Variants in RNF149 observed in about 807,000 individuals in gnomAD.
RNF149 encodes E3 ubiquitin-protein ligase RNF149.
RNF149 carries 21 observed loss-of-function variants against 39.0 expected under a neutral mutation model. The observed-to-expected ratio is 0.54, with a 90% CI of 0.38 to 0.77. The LOEUF (loss-of-function observed/expected upper bound fraction) is 0.77. Among genes scored for constraint, RNF149 ranks in the 30% least tolerant of loss-of-function variants. The pLI is 0.00. For synonymous variants in RNF149, 209 were observed against 213.6 expected, an observed-to-expected ratio of 0.98 and a Z score of 0.19; for missense variants, 493 against 534.9, an observed-to-expected ratio of 0.92 and a Z score of 0.77.
At chr2:101,272,710 T>G (rs1487512889), downstream of RNF149, 1 of 345,726 alleles carries the variant, frequency 2.9e-6, no homozygotes, top group Admixed American at 3.8e-5. Context: ...TATACTGACT[T>G]ATAATTTCAG....
chr2:101,287,606 T>G (rs901758529), intron 4 of RNF149, among the ~76,000 whole-genome samples: 5 of 152,132 alleles, frequency 3.3e-5, no homozygotes, highest in Admixed American at 2.6e-4. Context: ...CAGTCTGGAG[T>G]AAAAACTCTT....
chr2:101,307,847 G>A (rs1683734493), intron 1 of RNF149: 3 of 985,428 alleles, frequency 3.0e-6, no homozygotes, highest in South Asian at 4.7e-5. Context: ...TCACCTGTTA[G>A]AACCACAAGC....
intron 1 of RNF149, among the ~76,000 whole-genome samples, chr2:101,298,466 T>C (rs1463032295): frequency 1.3e-5 from 2 of 152,022 alleles, no homozygotes; most frequent in Admixed American, 1.3e-4. Context: ...AAAAGATTTA[T>C]TGCCAATGTT....
rs1424695858 is a variant in RNF149 at position 101,275,876 on chromosome 2, C to T, written c.*1362G>A. The T allele has an allele frequency of 1.0e-6, 1 of 985,092 alleles. No individual in the cohort carries two copies. The highest frequency in any genetic ancestry group is 1.2e-6 in the Non-Finnish European group (1 of 829,774). 61.0% of individuals were successfully genotyped at this position (985,092 alleles called of 1,614,324 possible). ...GTTATGGAAACCTACTTGAGGTTGT[C>T]TGCTAAAACCAACTCAGTGTGCAAA... On this transcript the variant is annotated 3_prime_UTR_variant, in exon 7 of 7. Coordinates refer to ENST00000295317, the MANE Select transcript of RNF149 (RefSeq NM_173647.4).
intron 1 of RNF149, among the ~76,000 whole-genome samples, chr2:101,298,733 AAGGTTACCCCAG>A: frequency 6.6e-6 from 1 of 152,322 alleles, no homozygotes; most frequent in South Asian, 2.1e-4. Context: ...TACCCTCTGG[AAGGTTACCCCAG>A]AGACTGGAGA....
downstream of RNF149, chr2:101,273,280 C>T: frequency 2.0e-6 from 1 of 500,028 alleles, no homozygotes; most frequent in South Asian, 1.5e-5. Flanking sequence ...GCCTCCTTCT[C>T]CATGCCACCC....
At chr2:101,299,239 A>G (rs1683360114) in intron 1 of RNF149, among the ~76,000 whole-genome samples, 1 of 152,218 alleles carries the variant, frequency 6.6e-6, no homozygotes, top group South Asian at 2.1e-4. Flanking sequence ...ACACTATTTT[A>G]TTGTGGAGAG....
chr2:101,307,942 C>T (rs1168533784), intron 1 of RNF149, 187 bp downstream of exon 1: 1 of 985,368 alleles, frequency 1.0e-6, no homozygotes, highest in Non-Finnish European at 1.2e-6. Flanking sequence ...GCAGACTTAC[C>T]TCCCTCCCAA....
chr2:101,282,912 C>T (rs1682646099), intron 5 of RNF149, among the ~76,000 whole-genome samples: 1 of 152,076 alleles, frequency 6.6e-6, no homozygotes, highest in African/African-American at 2.4e-5. Context: ...TAACGTAACG[C>T]CCTCCCATCC....
chr2:101,297,112 GAT>G (rs759816996), intron 1 of RNF149, among the ~76,000 whole-genome samples: 2 of 152,156 alleles, frequency 1.3e-5, no homozygotes, highest in Non-Finnish European at 2.9e-5. Flanking sequence ...AGGAGACAGA[GAT>G]AGGAGAATTG....
chr2:101,297,388 G>A (rs767104211), intron 1 of RNF149, among the ~76,000 whole-genome samples: 2 of 151,876 alleles, frequency 1.3e-5, no homozygotes, highest in Non-Finnish European at 2.9e-5. Flanking sequence ...ATGGGGTCTC[G>A]CTCTGTCACC....
At chr2:101,275,274 C>T (rs189471783), downstream of RNF149, among the ~76,000 whole-genome samples, 2 of 150,872 alleles carry the variant, frequency 1.3e-5, no homozygotes, top group Non-Finnish European at 3.0e-5. Flanking sequence ...CATGCCACCA[C>T]GTCCGGCTAA....
In RNF149 at chr2:101,279,072, G is replaced by A. The variant is rs115548178; in HGVS notation, c.1160-1791C>T. Among the ~76,000 whole-genome samples the A allele has an allele frequency of 7.9e-3, 1,197 of 152,182 alleles. 7 individuals carry two copies. Among genetic ancestry groups the A allele is most frequent in the Admixed American group, 0.013 (199 of 15,274 alleles). ...AATTTAGTGTTTTTCAATTTATGTC[G>A]TTACCGTTATAAGGCTGAAAGAACA... On this transcript the variant is annotated intron_variant, in intron 6 of 6. Coordinates refer to ENST00000295317, the MANE Select transcript of RNF149 (RefSeq NM_173647.4).
chr2:101,273,008 G>A, downstream of RNF149: 3 of 1,352,564 alleles, frequency 2.2e-6, no homozygotes, highest in Non-Finnish European at 2.0e-6. Flanking sequence ...ACTGCTGATG[G>A]AGACACTGCA....
intron 3 of RNF149, 69 bp downstream of exon 3, chr2:101,293,942 TTTA>T: frequency 5.7e-6 from 5 of 876,458 alleles, no homozygotes; most frequent in Non-Finnish European, 9.0e-6. Context: ...CCAATCCTTC[TTTA>T]AAATAAACAC....
intron 4 of RNF149, among the ~76,000 whole-genome samples, chr2:101,288,230 CTTTTTT>C (rs554652378): frequency 6.6e-5 from 4 of 60,576 alleles, no homozygotes; most frequent in East Asian, 5.6e-4. Context: ...GAAAGAAAAA[CTTTTTT>C]TTTTTTTTTT....
At chr2:101,297,748 T>C (rs1422349374) in intron 1 of RNF149, among the ~76,000 whole-genome samples, 3 of 152,250 alleles carry the variant, frequency 2.0e-5, no homozygotes, top group Non-Finnish European at 4.4e-5. Context: ...CAGTGGCTTT[T>C]AGTGGATTCA....
chr2:101,279,920 T>C (rs1186378752), intron 6 of RNF149, among the ~76,000 whole-genome samples: 2 of 152,230 alleles, frequency 1.3e-5, no homozygotes, highest in Non-Finnish European at 1.5e-5. Flanking sequence ...AAATAACCTT[T>C]AAGTGAATCC....
rs116616740 is a variant in RNF149 at position 101,306,128 on chromosome 2, T to G, written c.460+2001A>C. Reference sequence around the variant, plus strand: ...TGTCAATAACATAAGCAGGCAAGGTTGCTGACCCATGGTTACAACAAGTGC... The same window carrying G: ...TGTCAATAACATAAGCAGGCAAGGTGGCTGACCCATGGTTACAACAAGTGC... On this transcript the variant is annotated intron_variant, in intron 1 of 6. Transcript: ENST00000295317. 5.3e-3 allele frequency among the ~76,000 whole-genome samples: 800 copies of G among 152,324 alleles called. 3 individuals are homozygous for G. Among genetic ancestry groups the G allele is most frequent in the Non-Finnish European group, 8.2e-3 (558 of 68,030 alleles).
Sources: allele counts gnomAD v4.1 joint callset (sites outside exome capture counted in the v4.1 genomes callset), GRCh38; gene constraint gnomAD v4.1.1; transcripts MANE v1.5; gene names NCBI Gene and HGNC (gene_info 2026-07-23, HGNC 2026-07-21).